Variants in RSPH14 observed in about 807,000 individuals in gnomAD.
The protein encoded by RSPH14 is rhabdoid tumor deletion region gene 1.
Under a neutral mutation model 26.7 loss-of-function variants are expected in RSPH14, and 20 were observed. The observed-to-expected ratio is 0.75, with a 90% confidence interval of 0.53 to 1.09. The LOEUF is 1.09. RSPH14 is among the 50% of genes least tolerant of loss of function. The pLI is 0.00. For synonymous variants in RSPH14, 177 were observed against 189.3 expected (o/e 0.93, Z 0.53); for missense variants, 449 against 457.2 (o/e 0.98, Z 0.16).
the RSPH14 span, chr22:23,180,175 A>G: frequency 4.3e-6 from 1 of 233,430 alleles, no homozygotes; most frequent in Non-Finnish European, 8.5e-6. Context: ...TGGCCGGAGA[A>G]GTCCTCCTGG....
chr22:23,161,038 T>C, the RSPH14 span: 3 of 1,559,628 alleles, frequency 1.9e-6, no homozygotes, highest in South Asian at 1.2e-5. Context: ...GGGAGTAGGC[T>C]GGAGGCCTAA....
At chr22:23,120,417 T>C (rs1226607332) in intron 4 of RSPH14, among the ~76,000 whole-genome samples, 1 of 152,170 alleles carries the variant, frequency 6.6e-6, no homozygotes, top group Non-Finnish European at 1.5e-5. Context: ...GAGCTCTCCC[T>C]ACACACAGGT....
At chr22:23,170,717 G>T in the RSPH14 span, among the ~76,000 whole-genome samples, 2 of 151,956 alleles carry the variant, frequency 1.3e-5, no homozygotes, top group African/African-American at 4.8e-5. Context: ...TGGTGACAGA[G>T]CGAGACTCCA....
chr22:23,113,060 C>T (rs1040604933), intron 4 of RSPH14, among the ~76,000 whole-genome samples: 9 of 151,396 alleles, frequency 5.9e-5, no homozygotes, highest in Non-Finnish European at 1.3e-4. Context: ...TGGAACCTCA[C>T]AGGGCTCACC....
chr22:23,065,940 C>T (rs1023994916), intron 4 of RSPH14, among the ~76,000 whole-genome samples: 3 of 152,136 alleles, frequency 2.0e-5, no homozygotes, highest in Admixed American at 6.5e-5. Context: ...CTCTCTCTCT[C>T]GCAGCTCCCT....
At chr22:23,175,956 C>G in the RSPH14 span, among the ~76,000 whole-genome samples, 1 of 152,386 alleles carries the variant, frequency 6.6e-6, no homozygotes, top group African/African-American at 2.4e-5. Context: ...CCTTCTCAGT[C>G]CCTCTGCCTC....
chr22:23,083,447 G>A (rs2068732735), intron 4 of RSPH14, among the ~76,000 whole-genome samples: 1 of 152,172 alleles, frequency 6.6e-6, no homozygotes, highest in South Asian at 2.1e-4. Context: ...TCTCAAAAGG[G>A]AGTGCTGGGG....
intron 4 of RSPH14, among the ~76,000 whole-genome samples, chr22:23,130,073 AAG>A (rs1208067546): frequency 6.5e-5 from 2 of 30,756 alleles, no homozygotes; most frequent in Non-Finnish European, 1.4e-4. Flanking sequence ...GAAAGAAAGA[AAG>A]AAAGAAAGGA....
chr22:23,125,695 G>C (rs2146412166), intron 4 of RSPH14, among the ~76,000 whole-genome samples: 1 of 152,318 alleles, frequency 6.6e-6, no homozygotes, highest in African/African-American at 2.4e-5. Context: ...ATGAGGAAAG[G>C]TGCCTGAGGT....
rs761454900 is a variant in RSPH14, at chr22:23,059,496, C to T, written c.1013G>A (p.Arg338Gln). 8 of 1,613,054 alleles carry T rather than the reference C, an allele frequency of 5.0e-6. No homozygotes were observed. In the East Asian group the frequency reaches 8.9e-5, roughly 18 times the overall value. ...GAACTCGATGACACTGATGGCGATCCGGGCTGCCCGCTGTAAGGCTTCGGC... is the reference window on the plus strand; with the variant it reads ...GAACTCGATGACACTGATGGCGATCTGGGCTGCCCGCTGTAAGGCTTCGGC... Reference protein sequence around the residue: ...QVAEALQRAARIAISVIEFKP With the variant: ...QVAEALQRAAQIAISVIEFKP The change falls in exon 7 of 7, where the codon CGG becomes CAG. Residue 338 changes from arginine (R) to glutamine (Q), a missense_variant. Physicochemically the swap from Arg to Gln is conservative, Grantham distance 43. Transcript: ENST00000216036.
At chr22:23,135,417 G>A (rs1021124279) in intron 3 of RSPH14, among the ~76,000 whole-genome samples, 12 of 151,376 alleles carry the variant, frequency 7.9e-5, no homozygotes, top group Admixed American at 3.3e-4. Flanking sequence ...GTGTGAACCC[G>A]GGAGGTGGAG....
chr22:23,074,750 G>T (rs149868676), intron 4 of RSPH14, among the ~76,000 whole-genome samples: 144 of 152,294 alleles, frequency 9.5e-4, no homozygotes, highest in African/African-American at 3.4e-3. Context: ...TCACAGTGGC[G>T]CCTCGGGAGG....
chr22:23,100,850 T>G (rs751423811), intron 4 of RSPH14, among the ~76,000 whole-genome samples: 3 of 152,038 alleles, frequency 2.0e-5, no homozygotes, highest in Admixed American at 6.5e-5. Flanking sequence ...ATAACAGGAG[T>G]GTATGCAGTA....
the RSPH14 span, among the ~76,000 whole-genome samples, chr22:23,166,143 C>A: frequency 3.8e-5 from 2 of 52,358 alleles, no homozygotes; most frequent in East Asian, 8.1e-4. Flanking sequence ...GAGACTCTGT[C>A]TTTTAAAAAA....
At chr22:23,134,634 G>A (rs1037959828) in intron 3 of RSPH14, among the ~76,000 whole-genome samples, 10 of 151,648 alleles carry the variant, frequency 6.6e-5, no homozygotes, top group Admixed American at 3.3e-4. Context: ...GGAGACCTAG[G>A]CGGATAGATG....
chr22:23,087,515 A>G (rs931996924), intron 4 of RSPH14, among the ~76,000 whole-genome samples: 1 of 152,218 alleles, frequency 6.6e-6, no homozygotes, highest in African/African-American at 2.4e-5. Context: ...GCCTAGACAG[A>G]GCCGATTCTT....
At chr22:23,148,464 C>T (rs539518141), upstream of RSPH14, among the ~76,000 whole-genome samples, 100 of 152,308 alleles carry the variant, frequency 6.6e-4, no homozygotes, top group African/African-American at 2.2e-3. Flanking sequence ...ACAGCTGCTC[C>T]TGGTACCTCT....
At chr22:23,130,249 A>G (rs1744232853) in intron 4 of RSPH14, among the ~76,000 whole-genome samples, 1 of 151,510 alleles carries the variant, frequency 6.6e-6, no homozygotes, top group Admixed American at 6.6e-5. Context: ...AGGTCAGGAG[A>G]TCGAGACCAT....
chr22:23,128,836 C>T (rs1028354303), intron 4 of RSPH14, among the ~76,000 whole-genome samples: 1 of 152,206 alleles, frequency 6.6e-6, no homozygotes, highest in African/African-American at 2.4e-5. Context: ...TGACATAAAA[C>T]CTACTAAACA....
Sources: gnomAD v4.1 joint callset for allele counts (sites outside exome capture counted in the v4.1 genomes callset) on GRCh38, gnomAD v4.1.1 for gene constraint, MANE v1.5 for transcripts, NCBI Gene and HGNC (gene_info 2026-07-23, HGNC 2026-07-21) for gene names.